Variants in FILIP1 observed in about 807,000 individuals in gnomAD.
FILIP1 encodes filamin A interacting protein 1, also known as filamin-A-interacting protein 1.
FILIP1 carries 61 observed loss-of-function variants against 102.1 expected under a neutral mutation model. The observed-to-expected ratio is 0.60, with a 90% CI of 0.49 to 0.74. FILIP1 has a LOEUF of 0.74. FILIP1 is among the 30% of genes least tolerant of loss of function. The pLI, the probability that FILIP1 is intolerant of heterozygous loss-of-function variation, is 0.00. For synonymous variants in FILIP1, 491 were observed against 526.9 expected (o/e 0.93, Z 0.93); for missense variants, 1,314 against 1,441.2 (o/e 0.91, Z 1.43).
chr6:75,337,489 A>G (rs549210595), intron 4 of FILIP1, among the ~76,000 whole-genome samples: 11 of 152,276 alleles, frequency 7.2e-5, no homozygotes, highest in East Asian at 3.9e-4. Context: ...AAGTTTCTCA[A>G]TGTATGTGGG....
intron 2 of FILIP1, among the ~76,000 whole-genome samples, chr6:75,405,372 T>C (rs914764433): frequency 1.7e-4 from 26 of 151,812 alleles, no homozygotes; most frequent in Admixed American, 1.5e-3. Context: ...AAAATTAGCT[T>C]CTCTGGCTAT....
intron 2 of FILIP1, among the ~76,000 whole-genome samples, chr6:75,402,029 T>C (rs186745901): frequency 6.6e-6 from 1 of 152,292 alleles, no homozygotes; most frequent in Admixed American, 6.5e-5. Flanking sequence ...ATTACCCTTA[T>C]GTGGTATTTT....
intron 3 of FILIP1, among the ~76,000 whole-genome samples, chr6:75,358,944 G>A (rs188631076): frequency 4.0e-5 from 6 of 151,552 alleles, no homozygotes; most frequent in South Asian, 2.1e-4. Context: ...GGATGGTCTC[G>A]ATCTCCTGAC....
intron 4 of FILIP1, among the ~76,000 whole-genome samples, chr6:75,341,925 G>A (rs796963656): frequency 1.6e-4 from 24 of 152,298 alleles, no homozygotes; most frequent in African/African-American, 5.5e-4. Flanking sequence ...ATACACAGAT[G>A]AGTAAAAGAA....
At chr6:75,492,237 C>A (rs906208773) in intron 1 of FILIP1, among the ~76,000 whole-genome samples, 1 of 152,086 alleles carries the variant, frequency 6.6e-6, no homozygotes, top group Non-Finnish European at 1.5e-5. Flanking sequence ...GCTATATAAG[C>A]TTTAATTAGC....
chr6:75,400,260 T>C (rs979241113), intron 2 of FILIP1, among the ~76,000 whole-genome samples: 1 of 152,172 alleles, frequency 6.6e-6, no homozygotes, highest in African/African-American at 2.4e-5. Flanking sequence ...AAAATTGAAC[T>C]GGAAATATGC....
chr6:75,487,583 T>C (rs1274188434), intron 1 of FILIP1, among the ~76,000 whole-genome samples: 1 of 151,848 alleles, frequency 6.6e-6, no homozygotes, highest in Non-Finnish European at 1.5e-5. Flanking sequence ...AACCTAATTT[T>C]TGCATAGATC....
intron 1 of FILIP1, among the ~76,000 whole-genome samples, chr6:75,433,970 G>T (rs980068133): frequency 1.3e-5 from 2 of 152,026 alleles, no homozygotes. Context: ...TCTTGTTTTT[G>T]TCAGGTTTGT....
chr6:75,395,925 C>T (rs1306994041), intron 2 of FILIP1, among the ~76,000 whole-genome samples: 8 of 151,948 alleles, frequency 5.3e-5, no homozygotes, highest in African/African-American at 1.7e-4. Flanking sequence ...TGGAGAGTTG[C>T]CTTCTTTACC....
chr6:75,409,960 G>T (rs1048985751), intron 2 of FILIP1, among the ~76,000 whole-genome samples: 1 of 152,026 alleles, frequency 6.6e-6, no homozygotes. Flanking sequence ...TTATCCATAA[G>T]ACCTTAGCCC....
chr6:75,427,968 G>A (rs1777684953), intron 1 of FILIP1, among the ~76,000 whole-genome samples: 2 of 152,058 alleles, frequency 1.3e-5, no homozygotes, highest in African/African-American at 4.8e-5. Context: ...AATAGAAGTA[G>A]CCATTTTTAA....
intron 4 of FILIP1, among the ~76,000 whole-genome samples, chr6:75,338,977 A>G (rs1043407106): frequency 2.0e-5 from 3 of 152,254 alleles, no homozygotes; most frequent in African/African-American, 7.2e-5. Context: ...AAAAAAATCC[A>G]TAGGAGACTT....
intron 1 of FILIP1, among the ~76,000 whole-genome samples, chr6:75,439,076 G>C (rs553281261): frequency 5.6e-4 from 85 of 152,308 alleles, no homozygotes; most frequent in African/African-American, 1.9e-3. Context: ...TCACTCTTCA[G>C]CATGTTAACA....
chr6:75,350,712 C>T lies in FILIP1; in HGVS notation c.629+2827G>A, dbSNP rs1355253572. Among the ~76,000 whole-genome samples the T allele has an allele frequency of 6.6e-5, 10 of 152,194 alleles. No individual in the cohort carries two copies. The South Asian group carries it at 1.7e-3, about 25-fold the overall frequency. ...ACAGCCTGAATAAGTATGGTCACTC[C>T]GCCTACACACTTTTATTAAACCAAT... On this transcript the variant is annotated intron_variant, in intron 4 of 5. Transcript: ENST00000237172.
intron 5 of FILIP1, 26 bp from the exon 6 acceptor site, chr6:75,308,923 C>G (rs936325425): frequency 3.7e-6 from 6 of 1,610,524 alleles, no homozygotes; most frequent in African/African-American, 2.7e-5. Context: ...TACGTAGATA[C>G]AAGGGAGATG....
rs556549361 is a variant in FILIP1, at chr6:75,488,451, A to AC, written c.-7+4962_-7+4963insG. Among the ~76,000 whole-genome samples, 10 of 152,104 alleles carry AC rather than the reference A, an allele frequency of 6.6e-5. No homozygotes were observed. The South Asian group carries it at 2.1e-3, about 32-fold the overall frequency. ...ATAGACTGACCATTTAAGAAAAAAA[A>AC]AAAAACATAATCCAATATACTTTCC... On this transcript the variant is annotated intron_variant, in intron 1 of 5. Transcript: ENST00000237172.
At position 75,486,000 on chromosome 6, in the gene FILIP1, C is replaced by T. The variant is rs13216960; in HGVS notation, c.-7+7414G>A. 7.9e-4 allele frequency among the ~76,000 whole-genome samples: 95 copies of T among 119,668 alleles called. No homozygotes were observed. The East Asian group carries it at 0.017, about 21-fold the overall frequency. 78.5% of individuals were successfully genotyped at this position (119,668 alleles called of 152,430 possible). A position where few individuals can be genotyped will look rare whatever the true frequency, so the allele number is the denominator to read the frequency against. On this transcript the variant is annotated intron_variant, in intron 1 of 5. Coordinates refer to ENST00000237172, the MANE Select transcript of FILIP1 (RefSeq NM_015687.5). ...ACACACACACACACACACACACATACACACACACACACACACACACTCCAC... is the reference window on the plus strand; with the variant it reads ...ACACACACACACACACACACACATATACACACACACACACACACACTCCAC...
At chr6:75,410,951 G>A (rs1002818977) in intron 2 of FILIP1, among the ~76,000 whole-genome samples, 4 of 152,148 alleles carry the variant, frequency 2.6e-5, no homozygotes, top group Non-Finnish European at 4.4e-5. Context: ...TGGGATTGCT[G>A]GGTCAAATGG....
chr6:75,423,704 G>A (rs1777545339), intron 1 of FILIP1, among the ~76,000 whole-genome samples: 1 of 152,016 alleles, frequency 6.6e-6, no homozygotes, highest in African/African-American at 2.4e-5. Flanking sequence ...TGAACAAATT[G>A]GGCTATGAAG....
Sources: gnomAD v4.1 joint callset for allele counts (sites outside exome capture counted in the v4.1 genomes callset) on GRCh38, gnomAD v4.1.1 for gene constraint, MANE v1.5 for transcripts, NCBI Gene and HGNC (gene_info 2026-07-23, HGNC 2026-07-21) for gene names.